Variants in TYW1 observed in about 807,000 individuals in gnomAD.
The protein encoded by TYW1 is tRNA-yW synthesizing protein 1 homolog.
In TYW1, 46 loss-of-function variants were observed where a neutral mutation model predicts 96.2. That is an observed-to-expected ratio of 0.48 (90% CI 0.38 to 0.61). The LOEUF is 0.61. Among genes scored for constraint, TYW1 ranks in the 20% least tolerant of loss-of-function variants. The probability of loss-of-function intolerance (pLI) is 0.00; values close to 1 mark genes in which losing one functional copy is unlikely to be tolerated. For missense variants in TYW1, 684 were observed against 909.6 expected (o/e 0.75, Z 3.19); for synonymous variants, 274 against 323.0 (o/e 0.85, Z 1.63).
intron 11 of TYW1, among the ~76,000 whole-genome samples, chr7:67,090,326 T>C (rs1347438175): frequency 6.6e-6 from 1 of 152,220 alleles, no homozygotes. Context: ...TGCATTGTTA[T>C]GAGAAGAAAG....
rs761398625 is a variant in TYW1 at position 67,098,666 on chromosome 7, T to C, written c.1510T>C (p.Cys504Arg). ...INRFLKLLHQ[C>R]KISSFLVTNA... is the part of the protein sequence containing the mutation. The stretch of plus-strand genomic sequence containing the variant: ...CAGGTTTTTGAAGCTACTCCACCAG[T>C]GTAAAATTTCCAGCTTCCTGGTCAC... The change falls in exon 12 of 16, where the codon TGT (cysteine) becomes CGT (arginine). Residue 504 changes from cysteine (C) to arginine (R), a missense_variant. By Grantham distance (180) the Cys-to-Arg change is radical. Transcript: ENST00000359626. The C allele has an allele frequency of 6.2e-7, 1 of 1,614,118 alleles. No individual in the cohort carries two copies. Among genetic ancestry groups the C allele is most frequent in the Admixed American group, 1.7e-5 (1 of 60,006 alleles).
At chr7:67,236,388 A>G (rs568087228) in intron 15 of TYW1, among the ~76,000 whole-genome samples, 1 of 152,366 alleles carries the variant, frequency 6.6e-6, no homozygotes, top group African/African-American at 2.4e-5. Context: ...TGTGGCCCAG[A>G]GGAAGGGCCT....
At chr7:67,023,382 C>T (rs899375020) in intron 6 of TYW1, among the ~76,000 whole-genome samples, 8 of 152,080 alleles carry the variant, frequency 5.3e-5, no homozygotes, top group African/African-American at 1.9e-4. Context: ...CAGGAGTGAG[C>T]CACTGTGTCC....
chr7:67,199,882 A>G (rs1167424441), intron 15 of TYW1, among the ~76,000 whole-genome samples: 1 of 152,124 alleles, frequency 6.6e-6, no homozygotes, highest in East Asian at 1.9e-4. Context: ...AGCCTGGGCG[A>G]CAGAGCGAGA....
At chr7:67,100,849 G>GGA (rs1797062468) in intron 12 of TYW1, among the ~76,000 whole-genome samples, 1 of 37,166 alleles carries the variant, frequency 2.7e-5, no homozygotes, top group Non-Finnish European at 5.4e-5. Flanking sequence ...GGGCTACAGA[G>GGA]CAAAAAAAAA....
At chr7:67,001,926 T>C (rs930158246) in intron 3 of TYW1, among the ~76,000 whole-genome samples, 7 of 151,534 alleles carry the variant, frequency 4.6e-5, no homozygotes, top group Non-Finnish European at 8.8e-5. Flanking sequence ...TCCAGCTACT[T>C]GGGAAGCTGA....
intron 7 of TYW1, among the ~76,000 whole-genome samples, chr7:67,042,179 TATA>T (rs1795050892): frequency 6.7e-6 from 1 of 148,152 alleles, no homozygotes; most frequent in African/African-American, 2.4e-5. Flanking sequence ...AGAATTAGAA[TATA>T]ATATTAACTA....
chr7:67,118,760 G>A (rs1797674293), intron 13 of TYW1, among the ~76,000 whole-genome samples: 1 of 151,184 alleles, frequency 6.6e-6, no homozygotes, highest in South Asian at 2.1e-4. Context: ...ATTACCTGTG[G>A]TCCCAGCTAC....
intron 3 of TYW1, among the ~76,000 whole-genome samples, chr7:67,008,047 G>C (rs1337453519): frequency 6.6e-6 from 1 of 152,134 alleles, no homozygotes; most frequent in African/African-American, 2.4e-5. Context: ...TAAATTTAGG[G>C]TTCTGCACCA....
intron 15 of TYW1, among the ~76,000 whole-genome samples, chr7:67,219,628 C>G (rs1428840335): frequency 6.6e-6 from 1 of 151,502 alleles, no homozygotes; most frequent in Non-Finnish European, 1.5e-5. Flanking sequence ...TTTCATGTTT[C>G]TAGGAATTTG....
chr7:67,230,255 A>G (rs1445526840), intron 15 of TYW1, among the ~76,000 whole-genome samples: 1 of 151,624 alleles, frequency 6.6e-6, no homozygotes, highest in Non-Finnish European at 1.5e-5. Flanking sequence ...CATAGCACCT[A>G]GTACCCAGTA....
intron 13 of TYW1, among the ~76,000 whole-genome samples, chr7:67,173,773 T>G (rs1799583477): frequency 6.8e-6 from 1 of 147,750 alleles, no homozygotes; most frequent in Non-Finnish European, 1.5e-5. Context: ...GTAGGTTTTT[T>G]GTAGATATCC....
rs1214487340 is a variant in TYW1, at chr7:67,048,380, A to G, written c.985-1569A>G. Among the ~76,000 whole-genome samples, 9 of 150,668 alleles carry G rather than the reference A, an allele frequency of 6.0e-5. No homozygotes were observed. In the East Asian group the frequency reaches 1.6e-3, roughly 26 times the overall value. On this transcript the variant is annotated intron_variant, in intron 7 of 15. Transcript: ENST00000359626. ...CAAGGGTGGGCTGGGGCTTGGTGGT[A>G]GGGCCACTGCCTGGATGAGTTATTG...
chr7:67,107,036 T>G (rs1180832402), intron 12 of TYW1, among the ~76,000 whole-genome samples: 1 of 152,258 alleles, frequency 6.6e-6, no homozygotes. Context: ...TAGTTTTTGC[T>G]GAGACATTCA....
intron 13 of TYW1, among the ~76,000 whole-genome samples, chr7:67,123,624 C>T (rs1172801868): frequency 1.7e-5 from 2 of 116,974 alleles, no homozygotes; most frequent in African/African-American, 3.2e-5. Flanking sequence ...ATCTCTTTAG[C>T]AACGGATTGT....
At chr7:67,229,610 AG>A (rs1450305399) in intron 15 of TYW1, among the ~76,000 whole-genome samples, 2 of 152,060 alleles carry the variant, frequency 1.3e-5, no homozygotes, top group East Asian at 3.8e-4. Context: ...GAGTTAACTT[AG>A]GGATATTGCA....
At chr7:67,223,854 C>T (rs528737275) in intron 15 of TYW1, among the ~76,000 whole-genome samples, 3 of 150,760 alleles carry the variant, frequency 2.0e-5, no homozygotes, top group Non-Finnish European at 4.4e-5. Context: ...CAAGCCTTCC[C>T]CTGAATGTTA....
intron 3 of TYW1, among the ~76,000 whole-genome samples, chr7:67,004,018 TG>T (rs150709378): frequency 0.12 from 18,312 of 152,148 alleles, 1,278 homozygotes; most frequent in Admixed American, 0.15. Flanking sequence ...CACTCCAGTC[TG>T]GGGGACAGAG....
intron 15 of TYW1, among the ~76,000 whole-genome samples, chr7:67,201,086 G>T (rs1800583642): frequency 6.6e-6 from 1 of 152,006 alleles, no homozygotes; most frequent in South Asian, 2.1e-4. Context: ...GAGTGCCACA[G>T]TGAAGATTTG....
Sources: gnomAD v4.1 joint callset for allele counts (sites outside exome capture counted in the v4.1 genomes callset) on GRCh38, gnomAD v4.1.1 for gene constraint, MANE v1.5 for transcripts, NCBI Gene and HGNC (gene_info 2026-07-23, HGNC 2026-07-21) for gene names.